Variants in IL1RAPL2 observed in about 807,000 individuals in gnomAD.
IL1RAPL2 encodes interleukin 1 receptor accessory protein like 2, also known as X-linked interleukin-1 receptor accessory protein-like 2.
IL1RAPL2 carries 3 observed loss-of-function variants against 44.1 expected under a neutral mutation model. The observed-to-expected ratio is 0.07, with a 90% confidence interval of 0.03 to 0.18. IL1RAPL2 has a LOEUF of 0.18. IL1RAPL2 is among the 10% of genes least tolerant of loss of function. IL1RAPL2 has a pLI of 1.00. For synonymous variants in IL1RAPL2, 181 were observed against 178.8 expected (o/e 1.01, Z -0.10); for missense variants, 391 against 496.4 (o/e 0.79, Z 2.02).
intron 5 of IL1RAPL2, among the ~76,000 whole-genome samples, chrX:105,313,537 A>G (rs1489575511): frequency 9.0e-6 from 1 of 111,334 alleles, no homozygotes; most frequent in Non-Finnish European, 1.9e-5. Flanking sequence ...TAAACCATTG[A>G]GCTCCTAAAG....
intron 1 of IL1RAPL2, among the ~76,000 whole-genome samples, chrX:104,646,773 C>T (rs890446212): frequency 1.4e-4 from 16 of 111,021 alleles, no homozygotes; most frequent in African/African-American, 4.6e-4. Flanking sequence ...ATGCTCTGGC[C>T]TGGAAGTGAC....
intron 2 of IL1RAPL2, among the ~76,000 whole-genome samples, chrX:105,066,536 A>T (rs1054333732): frequency 4.7e-5 from 5 of 106,902 alleles, no homozygotes; most frequent in Non-Finnish European, 9.4e-5. Flanking sequence ...TGTGTTTTTG[A>T]TAGGTGTCTC....
At chrX:105,494,092 A>T (rs1464418127) in intron 6 of IL1RAPL2, among the ~76,000 whole-genome samples, 2 of 111,858 alleles carry the variant, frequency 1.8e-5, no homozygotes, top group Non-Finnish European at 3.8e-5. Flanking sequence ...TAGATTAAAG[A>T]GACTTTAAAA....
intron 2 of IL1RAPL2, among the ~76,000 whole-genome samples, chrX:105,091,410 A>G: frequency 8.9e-6 from 1 of 112,066 alleles, no homozygotes; most frequent in East Asian, 2.8e-4. Context: ...TTAGCCTTAG[A>G]ACAAGAGAAG....
At chrX:104,606,296 A>G (rs972830828) in intron 1 of IL1RAPL2, among the ~76,000 whole-genome samples, 1 of 111,806 alleles carries the variant, frequency 8.9e-6, no homozygotes, top group African/African-American at 3.3e-5. Context: ...CTCTCAATAA[A>G]TGAGGTATCA....
chrX:104,942,462 A>G (rs867669223), intron 2 of IL1RAPL2, among the ~76,000 whole-genome samples: 3 of 110,976 alleles, frequency 2.7e-5, no homozygotes, highest in African/African-American at 9.8e-5. Context: ...CTTTGAAGCA[A>G]TTGTGAATGG....
At chrX:104,747,551 G>A (rs949253838) in intron 2 of IL1RAPL2, among the ~76,000 whole-genome samples, 1 of 111,129 alleles carries the variant, frequency 9.0e-6, no homozygotes, top group Non-Finnish European at 1.9e-5. Context: ...GAGGAGAGTG[G>A]ATGACAAAGG....
chrX:104,934,126 CTT>C (rs1231666947), intron 2 of IL1RAPL2, among the ~76,000 whole-genome samples: 10 of 111,482 alleles, frequency 9.0e-5, no homozygotes, highest in African/African-American at 3.3e-4. Context: ...TGTTCACAAT[CTT>C]TTGTTAGGTC....
Position 104,919,286 on chromosome X carries a change from C to T in IL1RAPL2, c.82+260291C>T, listed in dbSNP as rs553672523. ...TGTCGCCCAGGCTGGAGTGCAATGG[C>T]GTGATCTCGGCTCACTGCAACCTCT... On this transcript the variant is annotated intron_variant, in intron 2 of 10. Transcript: ENST00000372582. 6.8e-5 allele frequency among the ~76,000 whole-genome samples: 7 copies of T among 103,646 alleles called. No individual in the cohort carries two copies. The South Asian group carries it at 1.8e-3, about 26-fold the overall frequency. The allele number at this position is 103,646 out of a possible 115,157, so 90.0% of individuals were successfully genotyped here.
chrX:105,078,795 A>G (rs1476940409), intron 2 of IL1RAPL2, among the ~76,000 whole-genome samples: 2 of 112,454 alleles, frequency 1.8e-5, no homozygotes, highest in Admixed American at 9.4e-5. Context: ...TGTGCTAGCA[A>G]TGAGCGAGGC....
chrX:105,477,819 C>T (rs755410343), intron 5 of IL1RAPL2, among the ~76,000 whole-genome samples: 1 of 112,021 alleles, frequency 8.9e-6, no homozygotes, highest in South Asian at 3.7e-4. Flanking sequence ...CTATTGCTCT[C>T]TTTTGGAATT....
At chrX:105,669,064 C>T (rs1356121584) in intron 6 of IL1RAPL2, among the ~76,000 whole-genome samples, 1 of 111,636 alleles carries the variant, frequency 9.0e-6, no homozygotes, top group Non-Finnish European at 1.9e-5. Flanking sequence ...AATTATCTAA[C>T]ATTATTTTAA....
chrX:104,995,707 T>A (rs1023762395), intron 2 of IL1RAPL2, among the ~76,000 whole-genome samples: 1 of 111,768 alleles, frequency 8.9e-6, no homozygotes, highest in Non-Finnish European at 1.9e-5. Flanking sequence ...AAGTGCTACT[T>A]TTCTGTGTGT....
At chrX:105,358,945 G>C (rs1653238062) in intron 5 of IL1RAPL2, among the ~76,000 whole-genome samples, 1 of 111,872 alleles carries the variant, frequency 8.9e-6, no homozygotes, top group Admixed American at 9.5e-5. Context: ...AGATCTTACA[G>C]GGAGATCTGG....
chrX:104,838,836 TTTCTTTCTTTC>T (rs1265667926), intron 2 of IL1RAPL2, among the ~76,000 whole-genome samples: 4 of 56,048 alleles, frequency 7.1e-5, no homozygotes, highest in Admixed American at 1.8e-4. Flanking sequence ...TCTTTCTTTC[TTTCTTTCTTTC>T]TTTTTTTTTT....
At chrX:105,360,497 A>G (rs771717865) in intron 5 of IL1RAPL2, among the ~76,000 whole-genome samples, 1 of 111,341 alleles carries the variant, frequency 9.0e-6, no homozygotes, top group East Asian at 2.8e-4. Flanking sequence ...ATAACTCAAG[A>G]TAGTAATAGG....
intron 2 of IL1RAPL2, among the ~76,000 whole-genome samples, chrX:105,101,519 G>T (rs958328416): frequency 8.9e-6 from 1 of 111,812 alleles, no homozygotes; most frequent in Non-Finnish European, 1.9e-5. Context: ...CTATTTGCAT[G>T]TTAAGCCCTT....
At chrX:104,846,693 A>G (rs1236558558) in intron 2 of IL1RAPL2, among the ~76,000 whole-genome samples, 1 of 111,836 alleles carries the variant, frequency 8.9e-6, no homozygotes, top group South Asian at 3.8e-4. Flanking sequence ...ATGATTTATA[A>G]TCCTTTGGGT....
chrX:105,540,805 TTATATAATATATACATATATTATATATGA>T (rs2036716709), intron 6 of IL1RAPL2, among the ~76,000 whole-genome samples: 2 of 1,675 alleles, frequency 1.2e-3, no homozygotes, highest in African/African-American at 2.7e-3. Context: ...AATATATTAG[TTATATAATATATACATATATTATATATGA>T]TATATAATAC....
Sources: gnomAD v4.1 joint callset for allele counts (sites outside exome capture counted in the v4.1 genomes callset) on GRCh38, gnomAD v4.1.1 for gene constraint, MANE v1.5 for transcripts, NCBI Gene and HGNC (gene_info 2026-07-23, HGNC 2026-07-21) for gene names.